The following CNNM3 variants were observed in gnomAD, a reference collection of about 807,000 sequenced individuals.
CNNM3 encodes cyclin and CBS domain divalent metal cation transport mediator 3, also known as metal transporter CNNM3.
Under a neutral mutation model 57.1 loss-of-function variants are expected in CNNM3, and 47 were observed. That is an observed-to-expected ratio of 0.82 (90% CI 0.65 to 1.05). The LOEUF (loss-of-function observed/expected upper bound fraction) is 1.05, where lower values mean the gene tolerates loss of function less well. CNNM3 is among the 50% of genes least tolerant of loss of function. CNNM3 has a pLI of 0.00. For synonymous variants in CNNM3, 507 were observed against 478.2 expected, an observed-to-expected ratio of 1.06 and a Z score of -0.79; for missense variants, 957 against 973.7, an observed-to-expected ratio of 0.98 and a Z score of 0.23.
intron 1 of CNNM3, among the ~76,000 whole-genome samples, chr2:96,818,070 T>C (rs1294451583): frequency 2.0e-5 from 3 of 152,202 alleles, no homozygotes; most frequent in East Asian, 3.8e-4. Context: ...CACTTTGCTT[T>C]CACCAAAAGT....
intron 1 of CNNM3, among the ~76,000 whole-genome samples, chr2:96,822,832 A>C (rs1197931791): frequency 6.6e-6 from 1 of 152,250 alleles, no homozygotes; most frequent in Non-Finnish European, 1.5e-5. Context: ...ATTGGGCATT[A>C]TGAAAGGGTA....
intron 1 of CNNM3, among the ~76,000 whole-genome samples, chr2:96,819,302 G>A (rs914469887): frequency 3.3e-5 from 5 of 152,190 alleles, no homozygotes; most frequent in Admixed American, 2.6e-4. Context: ...TGCAACCCTG[G>A]AATCAGCGGA....
chr2:96,833,109 G>A lies in CNNM3; in HGVS notation c.*493G>A. The A allele has an allele frequency of 1.1e-6, 1 of 910,870 alleles. No individual in the cohort carries two copies. The highest frequency in any genetic ancestry group is 2.4e-5 in the Admixed American group (1 of 41,502). The allele number at this position is 910,870 out of a possible 1,614,324, so 56.4% of individuals were successfully genotyped here. Reference sequence around the variant, plus strand: ...TTTTGGCTGGGGGTTCAGATCGATGGCCTTGTCCATGTTGTCCTTTCTGGC... The same window carrying A: ...TTTTGGCTGGGGGTTCAGATCGATGACCTTGTCCATGTTGTCCTTTCTGGC... On this transcript the variant is annotated 3_prime_UTR_variant, in exon 8 of 8. Transcript: ENST00000305510.
In CNNM3 at chr2:96,819,479, C is replaced by T. The variant is rs771147859; in HGVS notation, c.1225+1977C>T. 1.5e-4 allele frequency among the ~76,000 whole-genome samples: 23 copies of T among 152,258 alleles called. 1 individual carries two copies. The South Asian group carries it at 3.5e-3, about 23-fold the overall frequency. The stretch of plus-strand genomic sequence containing the variant: ...TGGCGTGCATATGCTGTGTGCTTGG[C>T]GTTAGCAGGTGGTTCTTACTCCGGG... On this transcript the variant is annotated intron_variant, in intron 1 of 7. Coordinates refer to ENST00000305510, the MANE Select transcript of CNNM3 (RefSeq NM_017623.5).
rs140443890 is a variant in CNNM3, at chr2:96,829,035, C to G, written c.1960C>G (p.Arg654Gly). 102 of 1,614,042 alleles carry G rather than the reference C, an allele frequency of 6.3e-5. No homozygotes were observed. The African/African-American group carries it at 1.2e-3, about 19-fold the overall frequency. ...GTACCTCAATGCACTCCTGGCTACC[C>G]GAGCCCAGAACCTGCCACAGTCCCC... Reference protein sequence around the residue: ...LQYLNALLATRAQNLPQSPEN... With the variant: ...LQYLNALLATGAQNLPQSPEN... The change falls in exon 7 of 8, where the codon CGA (arginine) becomes GGA (glycine). Residue 654 changes from arginine (R) to glycine (G), a missense_variant. Arg to Gly is a moderately radical substitution (Grantham distance 125, BLOSUM62 -2). This residue lies in a region of CNNM3 where 491 missense variants were observed against 570.6 expected (regional missense o/e 0.86). Transcript: ENST00000305510.
At chr2:96,821,769 C>T (rs975514519) in intron 1 of CNNM3, among the ~76,000 whole-genome samples, 10 of 152,162 alleles carry the variant, frequency 6.6e-5, no homozygotes, top group African/African-American at 2.4e-4. Flanking sequence ...TTACTTTAGC[C>T]TGCAGTTGGG....
chr2:96,820,870 T>C (rs2079394433), intron 1 of CNNM3, among the ~76,000 whole-genome samples: 1 of 152,116 alleles, frequency 6.6e-6, no homozygotes, highest in Non-Finnish European at 1.5e-5. Context: ...CAGATTGAAA[T>C]GCAGGTTGAA....
Position 96,829,123 on chromosome 2 carries a change from C to G in CNNM3, c.2048C>G (p.Thr683Ser), listed in dbSNP as rs776592449. ...ACCAGGCTCCTTGGTGAGAAGACCA[C>G]CACAGCGGCAGGTGAGTGCCAAGTG... ...SQTRLLGEKT[T>S]TAAGSSHSRP... Residue 683 changes from threonine (T) to serine (S), a missense_variant, in exon 7 of 8, where the codon ACC becomes AGC. Around this residue, in one of 2 missense-constraint regions of CNNM3, gnomAD observed 491 missense variants for 570.6 expected, o/e 0.86. Coordinates refer to ENST00000305510, the MANE Select transcript of CNNM3 (RefSeq NM_017623.5). The G allele has an allele frequency of 1.2e-6, 2 of 1,613,826 alleles. No individual in the cohort carries two copies. The highest frequency in any genetic ancestry group is 1.7e-6 in the Non-Finnish European group (2 of 1,180,008).
chr2:96,827,105 C>T (rs1367225335), intron 3 of CNNM3, 123 bp downstream of exon 3: 2 of 1,047,572 alleles, frequency 1.9e-6, no homozygotes, highest in Admixed American at 2.5e-5. Flanking sequence ...TTGAGGACTT[C>T]TGTGTTCTCT....
Position 96,816,736 on chromosome 2 carries a change from C to T in CNNM3, c.459C>T (p.Gly153=). 2.0e-6 allele frequency: 2 copies of T among 1,014,090 alleles called. No homozygotes were observed. The highest frequency in any genetic ancestry group is 3.5e-5 in the African/African-American group (2 of 57,328). The allele number at this position is 1,014,090 out of a possible 1,614,324, so 62.8% of individuals were successfully genotyped here. ...TGGCGCTGGCAGCGCTGGCGCGAGGCCTGCAGCTGAGCGCGCTGGCGCTGG... is the reference window on the plus strand; with the variant it reads ...TGGCGCTGGCAGCGCTGGCGCGAGGTCTGCAGCTGAGCGCGCTGGCGCTGG... ...GLLALAALAR[G]LQLSALALAP... is the part of the protein sequence containing the mutation. Residue 153 remains glycine (G), a synonymous_variant, in exon 1 of 8, where the codon GGC becomes GGT. Coordinates refer to ENST00000305510, the MANE Select transcript of CNNM3 (RefSeq NM_017623.5).
chr2:96,832,326 C>T (rs1392884581), intron 7 of CNNM3: 64 of 985,262 alleles, frequency 6.5e-5, no homozygotes, highest in East Asian at 1.1e-4. Context: ...CTGGGACCCT[C>T]GGGGCCAGAA....
At chr2:96,820,853 G>A (rs1321822694) in intron 1 of CNNM3, among the ~76,000 whole-genome samples, 2 of 152,208 alleles carry the variant, frequency 1.3e-5, no homozygotes, top group African/African-American at 4.8e-5. Flanking sequence ...GGCAAGTCCA[G>A]TAGGTTCAGA....
Position 96,832,810 on chromosome 2 carries a change from C to T in CNNM3, c.*194C>T. 6.6e-7 allele frequency: 1 copy of T among 1,510,902 alleles called. No homozygotes were observed. Among genetic ancestry groups the T allele is most frequent in the Non-Finnish European group, 8.8e-7 (1 of 1,131,940 alleles). 93.6% of individuals were successfully genotyped at this position (1,510,902 alleles called of 1,614,324 possible). A position where few individuals can be genotyped will look rare whatever the true frequency, so the allele number is the denominator to read the frequency against. On this transcript the variant is annotated 3_prime_UTR_variant, in exon 8 of 8. Transcript: ENST00000305510. Reference sequence around the variant, plus strand: ...GGATCCTTCAGCCGGCCCTGCCCTCCTTTAGGAGACAGGAGTCACCAGGGC... The same window carrying T: ...GGATCCTTCAGCCGGCCCTGCCCTCTTTTAGGAGACAGGAGTCACCAGGGC...
rs1453403737 is a variant in CNNM3 at position 96,817,026 on chromosome 2, C to A, written c.749C>A (p.Ala250Glu). 1.9e-5 allele frequency: 26 copies of A among 1,365,846 alleles called. No individual in the cohort carries two copies. The East Asian group carries it at 9.1e-4, about 48-fold the overall frequency. The allele number at this position is 1,365,846 out of a possible 1,614,324, so 84.6% of individuals were successfully genotyped here. A position where few individuals can be genotyped will look rare whatever the true frequency, so the allele number is the denominator to read the frequency against. Residue 250 changes from alanine (A) to glutamate (E), a missense_variant, in exon 1 of 8, where the codon GCG becomes GAG. Ala to Glu is a moderately radical substitution (Grantham distance 107, BLOSUM62 -1). Around this residue, in one of 2 missense-constraint regions of CNNM3, gnomAD observed 466 missense variants for 403.1 expected, o/e 1.16. Coordinates refer to ENST00000305510, the MANE Select transcript of CNNM3 (RefSeq NM_017623.5). ...GCCGTGAGCGGGCGCTGGACGCTGG[C>A]GCTGGCGCCGCGAGCGCTCGGCCTC... ...PAAVSGRWTLALAPRALGLSR... is the reference protein window; with the variant it reads ...PAAVSGRWTLELAPRALGLSR...
Position 96,832,535 on chromosome 2 carries a change from T to A in CNNM3, c.2060-17T>A. The A allele has an allele frequency of 6.2e-7, 1 of 1,614,048 alleles. No individual in the cohort carries two copies. Among genetic ancestry groups the A allele is most frequent in the South Asian group, 1.1e-5 (1 of 91,072 alleles). On this transcript the variant is annotated splice_polypyrimidine_tract_variant and intron_variant, in intron 7 of 7. Coordinates refer to ENST00000305510, the MANE Select transcript of CNNM3 (RefSeq NM_017623.5). ...TACCAGCTTTGATGTTAATTCTCCT[T>A]CCCTTGTCTCCTGTAGGGTCCAGCC...
chr2:96,816,630 C>T lies in CNNM3; in HGVS notation c.353C>T (p.Ala118Val), dbSNP rs1421057726. Residue 118 changes from alanine to valine, a missense_variant, in exon 1 of 8, where the codon GCG (alanine) becomes GTG (valine). Ala to Val is a moderately conservative substitution (Grantham distance 64). Coordinates refer to ENST00000305510, the MANE Select transcript of CNNM3 (RefSeq NM_017623.5). ...GTGCGCCCGCACTCGGCGCTGCTGGCGGTGCGCGTGGAGCCGGGTGGCGGG... is the reference window on the plus strand; with the variant it reads ...GTGCGCCCGCACTCGGCGCTGCTGGTGGTGCGCGTGGAGCCGGGTGGCGGG... ...EAVRPHSALL[A>V]VRVEPGGGAA... 1.7e-6 allele frequency: 2 copies of T among 1,145,938 alleles called. No individual in the cohort carries two copies. Among genetic ancestry groups the T allele is most frequent in the Non-Finnish European group, 2.1e-6 (2 of 933,832 alleles). The allele number at this position is 1,145,938 out of a possible 1,614,324, so 71.0% of individuals were successfully genotyped here.
At position 96,828,104 on chromosome 2, in the gene CNNM3, G is replaced by C. The variant is rs760306737; in HGVS notation, c.1695G>C (p.Arg565Ser). The change falls in exon 5 of 8, where the codon AGG becomes AGC. Residue 565 changes from arginine (R) to serine (S), a missense_variant. Arg to Ser is a moderately radical substitution (Grantham distance 110, BLOSUM62 -1). This residue lies in a region of CNNM3 where 491 missense variants were observed against 570.6 expected (regional missense o/e 0.86). Transcript: ENST00000305510. ...CTCCTTGCCACTCCTCCCAGGGCAG[G>C]GTTGAAGTGGAGATCGGGAAAGAGG... ...VDYFILILQG[R>S]VEVEIGKEGL... The C allele has an allele frequency of 2.5e-6, 4 of 1,614,024 alleles. No homozygotes were observed. The highest frequency in any genetic ancestry group is 3.4e-6 in the Non-Finnish European group (4 of 1,179,912).
intron 4 of CNNM3, 68 bp downstream of exon 4, chr2:96,827,968 G>A: frequency 6.3e-7 from 1 of 1,582,348 alleles, no homozygotes. Flanking sequence ...TAGGAGAAGA[G>A]GGGAGCAGGG....
In CNNM3 at chr2:96,832,592, C is replaced by T; in HGVS notation, c.2100C>T (p.Ser700=). 10 of 1,614,056 alleles carry T rather than the reference C, an allele frequency of 6.2e-6. No individual in the cohort carries two copies. Among genetic ancestry groups the T allele is most frequent in the Non-Finnish European group, 8.5e-6 (10 of 1,180,028 alleles). ...GGCCCGGCGTCCCGGTGGAAGGCAGCCCTGGGCGGAACCCAGGCGTTTAAC... is the reference window on the plus strand; with the variant it reads ...GGCCCGGCGTCCCGGTGGAAGGCAGTCCTGGGCGGAACCCAGGCGTTTAAC... ...HSRPGVPVEG[S]PGRNPGV The change falls in exon 8 of 8, where the codon AGC becomes AGT. Residue 700 remains serine (S), a synonymous_variant. Transcript: ENST00000305510.
Sources: allele counts gnomAD v4.1 joint callset (sites outside exome capture counted in the v4.1 genomes callset), GRCh38; gene constraint gnomAD v4.1.1; regional missense constraint gnomAD v4.1.1; transcripts MANE v1.5; gene names NCBI Gene and HGNC (gene_info 2026-07-23, HGNC 2026-07-21).